Variants in TM9SF3 observed in about 807,000 individuals in gnomAD.
TM9SF3 encodes the protein transmembrane 9 superfamily member 3, also known as SM-11044-binding protein.
TM9SF3 carries 14 observed loss-of-function variants against 78.6 expected under a neutral mutation model. The observed-to-expected ratio is 0.18, with a 90% CI of 0.12 to 0.28. The LOEUF (loss-of-function observed/expected upper bound fraction) is 0.28. Ranked by LOEUF, TM9SF3 falls within the 10% of genes least tolerant of loss-of-function variation. The pLI is 1.00. For missense variants in TM9SF3, 496 were observed against 721.9 expected (o/e 0.69, Z 3.59); for synonymous variants, 231 against 241.7 (o/e 0.96, Z 0.41).
Position 96,527,032 on chromosome 10 carries a change from A to G in TM9SF3, c.1702+181T>C, listed in dbSNP as rs148924027. ...TTACTAGAATTTCTATAAAAATAGAAATTAATAAGGTAATAAATTATGTTG... is the reference window on the plus strand; with the variant it reads ...TTACTAGAATTTCTATAAAAATAGAGATTAATAAGGTAATAAATTATGTTG... On this transcript the variant is annotated intron_variant, in intron 14 of 14. Transcript: ENST00000371142. Among the ~76,000 whole-genome samples the G allele has an allele frequency of 2.0e-5, 3 of 152,282 alleles. No homozygotes were observed. The East Asian group carries it at 5.8e-4, about 29-fold the overall frequency.
intron 11 of TM9SF3, among the ~76,000 whole-genome samples, chr10:96,528,739 G>A (rs898728643): frequency 6.6e-6 from 1 of 152,048 alleles, no homozygotes; most frequent in Non-Finnish European, 1.5e-5. Context: ...AATTACAACA[G>A]AGCCTTTCAC....
intron 12 of TM9SF3, 159 bp from the exon 13 acceptor site, chr10:96,527,655 G>C: frequency 1.7e-6 from 1 of 586,784 alleles, no homozygotes; most frequent in East Asian, 2.9e-5. Context: ...TATCAACAAG[G>C]AAAACATCTA....
intron 9 of TM9SF3, among the ~76,000 whole-genome samples, chr10:96,537,079 C>A (rs1412211463): frequency 6.6e-6 from 1 of 152,178 alleles, no homozygotes; most frequent in Non-Finnish European, 1.5e-5. Flanking sequence ...CAACAGCAGG[C>A]TTATTCGTAG....
At chr10:96,583,851 T>C (rs1848601209) in intron 1 of TM9SF3, among the ~76,000 whole-genome samples, 1 of 152,124 alleles carries the variant, frequency 6.6e-6, no homozygotes, top group Non-Finnish European at 1.5e-5. Flanking sequence ...CTGGCCAACA[T>C]GGTGAAACCT....
chr10:96,583,593 T>C (rs1397338409), intron 1 of TM9SF3, among the ~76,000 whole-genome samples: 1 of 152,140 alleles, frequency 6.6e-6, no homozygotes, highest in East Asian at 1.9e-4. Flanking sequence ...ATGCCTAAGT[T>C]CAAATCCCAC....
chr10:96,532,479 T>C (rs1029376179), intron 10 of TM9SF3, among the ~76,000 whole-genome samples: 14 of 146,128 alleles, frequency 9.6e-5, no homozygotes, highest in Middle Eastern at 3.6e-3. Context: ...AGAGACTTTA[T>C]ATATATATAT....
At chr10:96,577,646 A>C (rs974968732) in intron 1 of TM9SF3, 6 of 152,236 alleles carry the variant, frequency 3.9e-5, no homozygotes, top group Non-Finnish European at 7.3e-5. Context: ...TAGCAGTATA[A>C]ATTAAAGACA....
intron 2 of TM9SF3, 28 bp from the exon 3 acceptor site, chr10:96,565,454 C>T (rs767460966): frequency 1.3e-6 from 2 of 1,520,084 alleles, no homozygotes; most frequent in Admixed American, 2.6e-5. Context: ...TGCAAATTAG[C>T]CCACTAGTTT....
At chr10:96,570,045 A>G (rs906134412) in intron 2 of TM9SF3, among the ~76,000 whole-genome samples, 29 of 152,146 alleles carry the variant, frequency 1.9e-4, no homozygotes, top group Admixed American at 6.5e-4. Flanking sequence ...AAAATGGGGG[A>G]AAAAAACCAC....
At chr10:96,547,571 A>G (rs954536728) in intron 8 of TM9SF3, among the ~76,000 whole-genome samples, 3 of 151,066 alleles carry the variant, frequency 2.0e-5, no homozygotes, top group African/African-American at 7.3e-5. Flanking sequence ...AATATCTCAC[A>G]GTAGGCCAGA....
chr10:96,566,461 A>G (rs1472204863), intron 2 of TM9SF3, among the ~76,000 whole-genome samples: 1 of 152,214 alleles, frequency 6.6e-6, no homozygotes, highest in Non-Finnish European at 1.5e-5. Context: ...GAGAGAGAGT[A>G]GCTTCCCATA....
At chr10:96,571,226 G>A (rs1848433921) in intron 2 of TM9SF3, among the ~76,000 whole-genome samples, 1 of 152,164 alleles carries the variant, frequency 6.6e-6, no homozygotes, top group African/African-American at 2.4e-5. Flanking sequence ...GGGGACAGAT[G>A]TAGGACTAAA....
chr10:96,586,803 CG>C lies in TM9SF3; in HGVS notation c.32del (p.Ala11GlyfsTer35). 7.8e-7 allele frequency: 1 copy of C among 1,276,778 alleles called. No homozygotes were observed. The highest frequency in any genetic ancestry group is 9.9e-7 in the Non-Finnish European group (1 of 1,010,096). 79.1% of individuals were successfully genotyped at this position (1,276,778 alleles called of 1,614,324 possible). ...GCAGCAGCCACAGCGCGGCGGCCGCCGCCACGCCAAGAGCGCCAGGCAGCGG... is the reference window on the plus strand; with the variant it reads ...GCAGCAGCCACAGCGCGGCGGCCGCCCCACGCCAAGAGCGCCAGGCAGCGG... MRPLPGALGV[A>X]AAAALWLLLL... On this transcript the variant is annotated frameshift_variant, in exon 1 of 15. Transcript: ENST00000371142. LOFTEE classifies it high-confidence loss of function.
chr10:96,524,320 A>C (rs1158193647), intron 14 of TM9SF3, among the ~76,000 whole-genome samples: 1 of 151,936 alleles, frequency 6.6e-6, no homozygotes, highest in Non-Finnish European at 1.5e-5. Flanking sequence ...GTTACAATAC[A>C]ATTCTTTACA....
Position 96,521,104 on chromosome 10 carries a change from G to A in TM9SF3, c.*1159C>T. 2.6e-6 allele frequency: 1 copy of A among 383,606 alleles called. No homozygotes were observed. Among genetic ancestry groups the A allele is most frequent in the Non-Finnish European group, 4.6e-6 (1 of 215,986 alleles). The allele number at this position is 383,606 out of a possible 1,614,324, so 23.8% of individuals were successfully genotyped here. ...TAAATTACAAATTTGGCTCCTGTAG[G>A]AGTCTCAGAAAATAAACAGAAGAAA... On this transcript the variant is annotated 3_prime_UTR_variant, in exon 15 of 15. Coordinates refer to ENST00000371142, the MANE Select transcript of TM9SF3 (RefSeq NM_020123.4).
At chr10:96,537,414 G>A (rs1393515468) in intron 9 of TM9SF3, among the ~76,000 whole-genome samples, 1 of 152,170 alleles carries the variant, frequency 6.6e-6, no homozygotes, top group Non-Finnish European at 1.5e-5. Context: ...ATACCATCTA[G>A]GTTTGTGTAA....
At chr10:96,583,041 T>C (rs1309424075) in intron 1 of TM9SF3, among the ~76,000 whole-genome samples, 5 of 148,788 alleles carry the variant, frequency 3.4e-5, no homozygotes, top group Non-Finnish European at 5.9e-5. Flanking sequence ...GATCACGCCA[T>C]TGCACTCCAG....
chr10:96,583,292 T>A (rs1476324991), intron 1 of TM9SF3, among the ~76,000 whole-genome samples: 6 of 152,072 alleles, frequency 3.9e-5, no homozygotes, highest in Non-Finnish European at 8.8e-5. Context: ...TGTTAAAAAA[T>A]TTAAAACTTC....
chr10:96,539,816 G>A (rs1179570888), intron 9 of TM9SF3, among the ~76,000 whole-genome samples: 1 of 151,936 alleles, frequency 6.6e-6, no homozygotes, highest in East Asian at 1.9e-4. Context: ...AAAGAAAAAT[G>A]TCCAAAAAAA....
Sources: gnomAD v4.1 joint callset for allele counts (sites outside exome capture counted in the v4.1 genomes callset) on GRCh38, gnomAD v4.1.1 for gene constraint, MANE v1.5 for transcripts, NCBI Gene and HGNC (gene_info 2026-07-23, HGNC 2026-07-21) for gene names.